Variants in MCTP1 observed in about 807,000 individuals in gnomAD.
MCTP1 encodes multiple C2 and transmembrane domain-containing protein 1.
MCTP1 carries 69 observed loss-of-function variants against 120.6 expected under a neutral mutation model. That is an observed-to-expected ratio of 0.57 (90% CI 0.47 to 0.70). The LOEUF is 0.70. Among genes scored for constraint, MCTP1 ranks in the 30% least tolerant of loss-of-function variants. The probability of loss-of-function intolerance (pLI) is 0.00; values close to 1 mark genes in which losing one functional copy is unlikely to be tolerated. For missense variants in MCTP1, 1,203 were observed against 1,248.8 expected, an observed-to-expected ratio of 0.96 and a Z score of 0.55; for synonymous variants, 529 against 493.1, an observed-to-expected ratio of 1.07 and a Z score of -0.96.
At position 95,283,894 on chromosome 5, in the gene MCTP1, G is replaced by T. The variant is rs764728886; in HGVS notation, c.682C>A (p.Arg228=). The T allele has an allele frequency of 1.4e-6, 2 of 1,382,458 alleles. No individual in the cohort carries two copies. The highest frequency in any genetic ancestry group is 9.3e-7 in the Non-Finnish European group (1 of 1,077,568). The allele number at this position is 1,382,458 out of a possible 1,614,324, so 85.6% of individuals were successfully genotyped here. A position where few individuals can be genotyped will look rare whatever the true frequency, so the allele number is the denominator to read the frequency against. ...TGCTCCTCGCCCGTCTCCGGGGCCC[G>T]AGACTCCGCGGGACTCCGCGCCGGC... ...AEPARSPAES[R]APETGEEHGS... The change falls in exon 1 of 23, where the codon CGG becomes AGG. Residue 228 remains arginine (R), a synonymous_variant. Transcript: ENST00000515393.
At chr5:94,963,603 T>A (rs1293300475) in intron 2 of MCTP1, among the ~76,000 whole-genome samples, 2 of 152,044 alleles carry the variant, frequency 1.3e-5, no homozygotes, top group African/African-American at 2.4e-5. Context: ...TATTTGTATG[T>A]CCCCTTTGGA....
chr5:94,818,002 C>T (rs566959707), intron 17 of MCTP1, among the ~76,000 whole-genome samples: 2 of 152,286 alleles, frequency 1.3e-5, no homozygotes, highest in African/African-American at 2.4e-5. Context: ...TTATACTAAT[C>T]GGTTCAAGGA....
intron 19 of MCTP1, among the ~76,000 whole-genome samples, chr5:94,757,575 CA>C (rs1580509443): frequency 6.6e-6 from 1 of 152,102 alleles, no homozygotes; most frequent in East Asian, 1.9e-4. Flanking sequence ...TATGATGGGA[CA>C]ATTTTCAATG....
At chr5:95,214,786 G>A (rs1752841773) in intron 1 of MCTP1, among the ~76,000 whole-genome samples, 2 of 147,194 alleles carry the variant, frequency 1.4e-5, no homozygotes, top group African/African-American at 5.0e-5. Context: ...AACACTGCAT[G>A]TTCTCACTCG....
chr5:94,974,945 T>G (rs1450294431), intron 2 of MCTP1, among the ~76,000 whole-genome samples: 3 of 152,146 alleles, frequency 2.0e-5, no homozygotes, highest in Non-Finnish European at 4.4e-5. Flanking sequence ...ATATTCACTT[T>G]GAGAAAAAAG....
At chr5:95,146,995 G>A (rs1760449240) in intron 1 of MCTP1, among the ~76,000 whole-genome samples, 1 of 152,158 alleles carries the variant, frequency 6.6e-6, no homozygotes, top group South Asian at 2.1e-4. Flanking sequence ...CACTAGTATT[G>A]TGTGGCTGTC....
At chr5:95,255,164 G>A (rs1012357675) in intron 1 of MCTP1, among the ~76,000 whole-genome samples, 5 of 152,126 alleles carry the variant, frequency 3.3e-5, no homozygotes, top group African/African-American at 1.2e-4. Flanking sequence ...TGGGTTAGAA[G>A]CTCTTGTTTC....
rs570348963 is a variant in MCTP1 at position 95,181,791 on chromosome 5, G to A, written c.720+102065C>T. Among the ~76,000 whole-genome samples the A allele has an allele frequency of 2.0e-4, 31 of 152,182 alleles. No homozygotes were observed. The East Asian group carries it at 5.0e-3, about 25-fold the overall frequency. On this transcript the variant is annotated intron_variant, in intron 1 of 22. Transcript: ENST00000515393. ...CCACCAGCCCTTCAGTCCACAAATC[G>A]CTATGTGAAAAGAGAGATGTGCATA... is the stretch of plus-strand genomic sequence containing the variant.
intron 1 of MCTP1, among the ~76,000 whole-genome samples, chr5:95,147,985 T>C (rs937198033): frequency 2.6e-5 from 4 of 152,204 alleles, no homozygotes; most frequent in Admixed American, 2.6e-4. Context: ...TATGAGATTC[T>C]TGGTTGAATT....
intron 2 of MCTP1, among the ~76,000 whole-genome samples, chr5:94,956,714 C>CA (rs34659025): frequency 0.52 from 78,649 of 150,354 alleles, 20,574 homozygotes; most frequent in South Asian, 0.56. Flanking sequence ...GACAAGATTA[C>CA]AAAAAAAAAG....
intron 17 of MCTP1, among the ~76,000 whole-genome samples, chr5:94,814,960 G>A (rs1784201854): frequency 6.6e-6 from 1 of 152,124 alleles, no homozygotes; most frequent in African/African-American, 2.4e-5. Context: ...AGTGATGTCT[G>A]TCGCCAAGTT....
At chr5:95,022,142 T>C (rs1838312031) in intron 1 of MCTP1, among the ~76,000 whole-genome samples, 1 of 152,178 alleles carries the variant, frequency 6.6e-6, no homozygotes, top group Non-Finnish European at 1.5e-5. Flanking sequence ...TACTTGAGTA[T>C]ACCCGTACTT....
chr5:94,914,892 T>A (rs1809672933), intron 8 of MCTP1, among the ~76,000 whole-genome samples: 1 of 152,236 alleles, frequency 6.6e-6, no homozygotes, highest in Non-Finnish European at 1.5e-5. Context: ...ATGCAACTTA[T>A]TATTATATAA....
At chr5:95,064,084 G>A (rs565993110) in intron 1 of MCTP1, among the ~76,000 whole-genome samples, 24 of 152,304 alleles carry the variant, frequency 1.6e-4, no homozygotes, top group Non-Finnish European at 3.1e-4. Flanking sequence ...ACTATAATTC[G>A]TGTCTTAAAG....
At chr5:94,828,013 T>A (rs1331988430) in intron 17 of MCTP1, among the ~76,000 whole-genome samples, 2 of 152,090 alleles carry the variant, frequency 1.3e-5, no homozygotes. Context: ...GGTGAGGAGT[T>A]GTGATCCTTT....
intron 1 of MCTP1, among the ~76,000 whole-genome samples, chr5:95,048,819 G>T (rs1045031899): frequency 5.3e-5 from 8 of 152,156 alleles, no homozygotes; most frequent in Non-Finnish European, 1.0e-4. Flanking sequence ...AGAGAGGAAG[G>T]AAGTGACAAA....
chr5:94,855,523 T>C (rs1186709932), intron 17 of MCTP1, among the ~76,000 whole-genome samples: 1 of 151,862 alleles, frequency 6.6e-6, no homozygotes, highest in Non-Finnish European at 1.5e-5. Flanking sequence ...TATATCATTC[T>C]ATTAGATAAG....
chr5:95,206,620 C>T lies in MCTP1; in HGVS notation c.720+77236G>A, dbSNP rs139458389. Among the ~76,000 whole-genome samples, 1,290 of 152,206 alleles carry T rather than the reference C, an allele frequency of 8.5e-3. 10 individuals are homozygous for T. The highest frequency in any genetic ancestry group is 0.029 in the African/African-American group (1,217 of 41,528). On this transcript the variant is annotated intron_variant, in intron 1 of 22. Transcript: ENST00000515393. ...CATGATCTCGGCTCACTACAACTTC[C>T]GCCTCTCGGATTCAAGCAATTTTCC...
At chr5:94,976,736 G>A (rs1390283756) in intron 2 of MCTP1, 2 of 152,108 alleles carry the variant, frequency 1.3e-5, no homozygotes, top group Non-Finnish European at 2.9e-5. Context: ...TTATGGTTGA[G>A]ATTGTTACCC....
Sources: gnomAD v4.1 joint callset for allele counts (sites outside exome capture counted in the v4.1 genomes callset) on GRCh38, gnomAD v4.1.1 for gene constraint, MANE v1.5 for transcripts, NCBI Gene and HGNC (gene_info 2026-07-23, HGNC 2026-07-21) for gene names.